The following HDAC9 variants were observed in gnomAD, a reference collection of about 807,000 sequenced individuals.
HDAC9 encodes the protein MEF-2 interacting transcription repressor (MITR) protein.
In HDAC9, 41 loss-of-function variants were observed where a neutral mutation model predicts 139.4. That is an observed-to-expected ratio of 0.29 (90% CI 0.23 to 0.38). HDAC9 has a LOEUF of 0.38. Ranked by LOEUF, HDAC9 falls within the 10% of genes least tolerant of loss-of-function variation. HDAC9 has a pLI of 1.00. For missense variants in HDAC9, 1,147 were observed against 1,297.0 expected (o/e 0.88, Z 1.78); for synonymous variants, 517 against 476.2 (o/e 1.09, Z -1.12).
intron 6 of HDAC9, among the ~76,000 whole-genome samples, chr7:18,601,884 A>G (rs1662172200): frequency 6.6e-6 from 1 of 152,206 alleles, no homozygotes; most frequent in Admixed American, 6.5e-5. Flanking sequence ...TTTGTGGAAG[A>G]TTTTAAAATC....
intron 1 of HDAC9, among the ~76,000 whole-genome samples, chr7:18,484,940 C>T (rs1289063813): frequency 2.0e-5 from 3 of 151,976 alleles, no homozygotes; most frequent in African/African-American, 7.2e-5. Context: ...CCAAAGGGTC[C>T]CTTCTGCTTA....
At chr7:18,650,374 G>C (rs1163822472) in intron 11 of HDAC9, among the ~76,000 whole-genome samples, 1 of 152,100 alleles carries the variant, frequency 6.6e-6, no homozygotes, top group Non-Finnish European at 1.5e-5. Context: ...GAAACACATG[G>C]ATGTATATAT....
chr7:18,094,528 T>C (rs1782376879), intron 1 of HDAC9, among the ~76,000 whole-genome samples: 1 of 151,218 alleles, frequency 6.6e-6, no homozygotes, highest in African/African-American at 2.4e-5. Context: ...GCTCCTAGGC[T>C]CAAGTGATCC....
chr7:18,666,224 A>G lies in HDAC9; in HGVS notation c.1479A>G (p.Lys493=). Reference sequence around the variant, plus strand: ...ACACTCTCTTCTAGCTGCTTTCGAAATCTATTGAACAACTGAAGCAACCAG... The same window carrying G: ...ACACTCTCTTCTAGCTGCTTTCGAAGTCTATTGAACAACTGAAGCAACCAG... ...QQIHMNKLLS[K]SIEQLKQPGS... is the part of the protein sequence containing the mutation. Residue 493 remains lysine, a synonymous_variant, in exon 12 of 26, where the codon AAA becomes AAG. Coordinates refer to ENST00000686413, the MANE Select transcript of HDAC9 (RefSeq NM_178425.4). 9.3e-6 allele frequency: 15 copies of G among 1,610,006 alleles called. No homozygotes were observed. Among genetic ancestry groups the G allele is most frequent in the Non-Finnish European group, 1.3e-5 (15 of 1,177,192 alleles).
Position 18,182,526 on chromosome 7 carries a change from T to TG in HDAC9, c.25+20179dup, listed in dbSNP as rs1432822672. ...AATTAGTGGGAGTGAGACATATTGA[T>TG]GGAAAAGATAGCTAGCATTTGTTGA... On this transcript the variant is annotated intron_variant, in intron 2 of 12. Transcript: ENST00000417496. 3.3e-5 allele frequency among the ~76,000 whole-genome samples: 5 copies of TG among 152,356 alleles called. No homozygotes were observed. The East Asian group carries it at 9.6e-4, about 29-fold the overall frequency.
chr7:18,631,567 C>T (rs1474906242), intron 7 of HDAC9, among the ~76,000 whole-genome samples: 1 of 151,976 alleles, frequency 6.6e-6, no homozygotes. Context: ...ATCCTCTTAC[C>T]TCTATGTCTT....
At chr7:18,745,883 C>CTTTT (rs752292349) in intron 13 of HDAC9, among the ~76,000 whole-genome samples, 135 of 99,436 alleles carry the variant, frequency 1.4e-3, no homozygotes, top group African/African-American at 2.2e-3. Flanking sequence ...TCTTCTTCTT[C>CTTTT]TTTTTTTTTT....
At chr7:18,714,387 T>C (rs1285081383) in intron 12 of HDAC9, among the ~76,000 whole-genome samples, 1 of 152,240 alleles carries the variant, frequency 6.6e-6, no homozygotes, top group African/African-American at 2.4e-5. Flanking sequence ...ATTTGCTGAC[T>C]TGCTGTTGCT....
At chr7:18,444,531 T>G (rs1792115133) in intron 1 of HDAC9, among the ~76,000 whole-genome samples, 1 of 152,186 alleles carries the variant, frequency 6.6e-6, no homozygotes, top group East Asian at 1.9e-4. Context: ...TCTTAGTACT[T>G]AAATGGCTAT....
At chr7:18,261,380 A>G (rs1584901056) in intron 2 of HDAC9, among the ~76,000 whole-genome samples, 2 of 152,182 alleles carry the variant, frequency 1.3e-5, no homozygotes, top group East Asian at 3.8e-4. Flanking sequence ...TGGAAACTCT[A>G]TGCTTCTGTG....
chr7:18,913,694 CA>C (rs892852477), intron 22 of HDAC9, among the ~76,000 whole-genome samples: 16 of 151,806 alleles, frequency 1.1e-4, no homozygotes, highest in African/African-American at 3.4e-4. Context: ...TCATTCTAGG[CA>C]GAAGAGAAGT....
At chr7:18,883,504 A>T (rs1799887542) in intron 22 of HDAC9, among the ~76,000 whole-genome samples, 1 of 152,082 alleles carries the variant, frequency 6.6e-6, no homozygotes, top group Non-Finnish European at 1.5e-5. Flanking sequence ...TATAATAAAA[A>T]CTCCCAACAA....
intron 13 of HDAC9, 48 bp downstream of exon 13, chr7:18,727,805 T>C: frequency 7.4e-7 from 1 of 1,352,588 alleles, no homozygotes; most frequent in South Asian, 1.7e-5. Context: ...AAATGCCCCG[T>C]TCTTGTAGGA....
At chr7:18,737,672 T>C (rs982487159) in intron 13 of HDAC9, among the ~76,000 whole-genome samples, 1 of 152,210 alleles carries the variant, frequency 6.6e-6, no homozygotes, top group Non-Finnish European at 1.5e-5. Context: ...GAGTGCTTTA[T>C]TCCCTATGAT....
At chr7:18,096,032 T>G (rs1782479087) in intron 1 of HDAC9, among the ~76,000 whole-genome samples, 1 of 152,184 alleles carries the variant, frequency 6.6e-6, no homozygotes, top group Non-Finnish European at 1.5e-5. Flanking sequence ...CCCTCAAATG[T>G]CAGGTTTAAT....
chr7:18,664,528 A>G (rs1377295698), intron 11 of HDAC9, among the ~76,000 whole-genome samples: 1 of 152,142 alleles, frequency 6.6e-6, no homozygotes, highest in African/African-American at 2.4e-5. Flanking sequence ...CTCAAACTCC[A>G]CTAGCCTTTT....
chr7:18,400,784 C>T (rs911254345), intron 1 of HDAC9, among the ~76,000 whole-genome samples: 1 of 152,154 alleles, frequency 6.6e-6, no homozygotes, highest in Non-Finnish European at 1.5e-5. Context: ...TCCTGAGGCC[C>T]AGAAAAGGAG....
intron 1 of HDAC9, among the ~76,000 whole-genome samples, chr7:18,158,036 GACTGA>G (rs1787351937): frequency 6.6e-6 from 1 of 152,178 alleles, no homozygotes; most frequent in Non-Finnish European, 1.5e-5. Context: ...TGGCTGTGTA[GACTGA>G]ACTGTACATT....
intron 22 of HDAC9, among the ~76,000 whole-genome samples, chr7:18,901,351 G>A (rs1176912561): frequency 6.6e-6 from 1 of 151,418 alleles, no homozygotes; most frequent in Non-Finnish European, 1.5e-5. Flanking sequence ...ATATCTCAGA[G>A]TTAAAAAAAA....
Sources: allele counts gnomAD v4.1 joint callset (sites outside exome capture counted in the v4.1 genomes callset), GRCh38; gene constraint gnomAD v4.1.1; transcripts MANE v1.5; gene names NCBI Gene and HGNC (gene_info 2026-07-23, HGNC 2026-07-21).